The following TBC1D32 variants were observed in gnomAD, a reference collection of about 807,000 sequenced individuals.
TBC1D32 encodes the protein protein broad-minded.
Under a neutral mutation model 170.3 loss-of-function variants are expected in TBC1D32, and 151 were observed. The observed-to-expected ratio is 0.89, with a 90% CI of 0.78 to 1.01. TBC1D32 has a LOEUF of 1.01. Ranked by LOEUF, TBC1D32 falls within the 50% of genes least tolerant of loss-of-function variation. TBC1D32 has a pLI of 0.00. For missense variants in TBC1D32, 1,464 were observed against 1,457.1 expected, an observed-to-expected ratio of 1.00 and a Z score of -0.08; for synonymous variants, 498 against 488.0, an observed-to-expected ratio of 1.02 and a Z score of -0.27.
chr6:121,282,988 G>C (rs9490154), intron 13 of TBC1D32, among the ~76,000 whole-genome samples: 12 of 151,686 alleles, frequency 7.9e-5, no homozygotes, highest in Admixed American at 6.6e-5. Flanking sequence ...GATTCAGAAG[G>C]TACATGTGTC....
chr6:121,208,246 C>T (rs1323765978), intron 21 of TBC1D32, among the ~76,000 whole-genome samples: 3 of 151,940 alleles, frequency 2.0e-5, no homozygotes, highest in Admixed American at 6.6e-5. Context: ...TAAAGACATA[C>T]CTGAGACTGG....
chr6:121,242,779 T>C (rs1022348868), intron 17 of TBC1D32, among the ~76,000 whole-genome samples: 11 of 152,096 alleles, frequency 7.2e-5, no homozygotes, highest in African/African-American at 2.7e-4. Context: ...TCGATTTTCA[T>C]AGGTGTTAAT....
At position 121,131,501 on chromosome 6, in the gene TBC1D32, A is replaced by G. The variant is rs552187313; in HGVS notation, c.2899+126T>C. The stretch of plus-strand genomic sequence containing the variant: ...TCTCAGGATCCCAATTTTCTCAGAA[A>G]TCAGCAAACTTCTGGATTTAGCATT... On this transcript the variant is annotated intron_variant, in intron 25 of 31. Transcript: ENST00000398212. The G allele has an allele frequency of 6.1e-6, 6 of 985,176 alleles. No homozygotes were observed. The East Asian group carries it at 1.7e-4, about 28-fold the overall frequency. The allele number at this position is 985,176 out of a possible 1,614,324, so 61.0% of individuals were successfully genotyped here. A position where few individuals can be genotyped will look rare whatever the true frequency, so the allele number is the denominator to read the frequency against.
At chr6:121,169,157 G>T (rs1411318146) in intron 22 of TBC1D32, among the ~76,000 whole-genome samples, 1 of 152,108 alleles carries the variant, frequency 6.6e-6, no homozygotes, top group Non-Finnish European at 1.5e-5. Flanking sequence ...CACACTACCT[G>T]ACTTCAAACT....
At chr6:121,202,855 T>C (rs2128301650) in intron 22 of TBC1D32, among the ~76,000 whole-genome samples, 1 of 151,518 alleles carries the variant, frequency 6.6e-6, no homozygotes, top group Non-Finnish European at 1.5e-5. Flanking sequence ...TTAAACAGAA[T>C]GTGATGCTGT....
At chr6:121,161,484 A>G (rs1013317514) in intron 22 of TBC1D32, among the ~76,000 whole-genome samples, 5 of 152,218 alleles carry the variant, frequency 3.3e-5, no homozygotes, top group Non-Finnish European at 5.9e-5. Context: ...TAATTTGCTG[A>G]GGATAATGGC....
intron 26 of TBC1D32, among the ~76,000 whole-genome samples, chr6:121,122,914 G>T (rs914078504): frequency 6.6e-6 from 1 of 152,034 alleles, no homozygotes; most frequent in Non-Finnish European, 1.5e-5. Context: ...GCAGGATAAT[G>T]TAAGATCATG....
intron 24 of TBC1D32, among the ~76,000 whole-genome samples, chr6:121,133,391 TAATC>T (rs996937990): frequency 2.6e-5 from 4 of 151,992 alleles, no homozygotes; most frequent in African/African-American, 9.7e-5. Flanking sequence ...GTGGATATAA[TAATC>T]AAGACAATAT....
intron 17 of TBC1D32, among the ~76,000 whole-genome samples, chr6:121,248,054 G>GACC (rs1191749787): frequency 6.6e-6 from 1 of 151,884 alleles, no homozygotes; most frequent in Non-Finnish European, 1.5e-5. Flanking sequence ...CCCCAAGATA[G>GACC]ACCACACGAT....
intron 31 of TBC1D32, among the ~76,000 whole-genome samples, chr6:121,085,320 C>CAT (rs10597029): frequency 6.3e-5 from 9 of 143,690 alleles, no homozygotes; most frequent in Non-Finnish European, 1.1e-4. Context: ...CATATATACA[C>CAT]ATATATATAT....
intron 31 of TBC1D32, among the ~76,000 whole-genome samples, chr6:121,084,421 G>T (rs116507357): frequency 3.2e-3 from 487 of 152,106 alleles, no homozygotes; most frequent in African/African-American, 0.011. Context: ...TATTAATGAT[G>T]GTCTTTGAAA....
At chr6:121,261,736 C>T (rs1799795958) in intron 15 of TBC1D32, among the ~76,000 whole-genome samples, 3 of 152,150 alleles carry the variant, frequency 2.0e-5, no homozygotes, top group Admixed American at 2.0e-4. Flanking sequence ...TCCAAATGAT[C>T]ACAACACCTC....
Position 121,158,791 on chromosome 6 carries a change from T to C in TBC1D32, c.2773+1219A>G, listed in dbSNP as rs1379029296. ...GTAATTTGGGCTTCTATCCAGTAGGTAGAGTTTAAGAGTGGTGGCCTGCAG... is the reference window on the plus strand; with the variant it reads ...GTAATTTGGGCTTCTATCCAGTAGGCAGAGTTTAAGAGTGGTGGCCTGCAG... On this transcript the variant is annotated intron_variant, in intron 24 of 31. Transcript: ENST00000398212. 3.3e-5 allele frequency among the ~76,000 whole-genome samples: 5 copies of C among 152,196 alleles called. No homozygotes were observed. The South Asian group carries it at 6.2e-4, about 19-fold the overall frequency.
intron 15 of TBC1D32, among the ~76,000 whole-genome samples, chr6:121,263,738 T>A (rs1397413660): frequency 2.6e-5 from 4 of 152,124 alleles, no homozygotes; most frequent in Non-Finnish European, 5.9e-5. Context: ...GAAATCATTA[T>A]AGACAGTCTC....
intron 29 of TBC1D32, among the ~76,000 whole-genome samples, chr6:121,108,308 A>C (rs540511208): frequency 6.6e-6 from 1 of 152,022 alleles, no homozygotes; most frequent in African/African-American, 2.4e-5. Flanking sequence ...ATTGTTTATT[A>C]TACTTATAGA....
intron 30 of TBC1D32, among the ~76,000 whole-genome samples, chr6:121,096,450 C>T (rs1777418968): frequency 6.6e-6 from 1 of 151,938 alleles, no homozygotes; most frequent in South Asian, 2.1e-4. Flanking sequence ...TTCACAATTG[C>T]TACAAAGAAA....
In TBC1D32 at chr6:121,174,367, A is replaced by T. The variant is rs149850383; in HGVS notation, c.2571-13311T>A. ...AGAAATTCTCCCCGGGAGAAAAAAA[A>T]GTCATCAATCTAAGTACATAAACTG... is the stretch of plus-strand genomic sequence containing the variant. On this transcript the variant is annotated intron_variant, in intron 22 of 31. Transcript: ENST00000398212. Among the ~76,000 whole-genome samples, 225 of 152,296 alleles carry T rather than the reference A, an allele frequency of 1.5e-3. 4 individuals carry two copies. The highest frequency in any genetic ancestry group is 2.5e-4 in the Non-Finnish European group (17 of 68,028).
intron 21 of TBC1D32, among the ~76,000 whole-genome samples, chr6:121,207,040 T>C (rs1792368115): frequency 2.0e-5 from 3 of 152,226 alleles, no homozygotes; most frequent in Admixed American, 2.0e-4. Context: ...GAAACTTGTT[T>C]ACTATCTACC....
chr6:121,216,756 C>CA (rs1793877615), intron 21 of TBC1D32, among the ~76,000 whole-genome samples: 1 of 152,148 alleles, frequency 6.6e-6, no homozygotes, highest in Non-Finnish European at 1.5e-5. Context: ...ATGATGAACT[C>CA]AGAGATTCTG....
Sources: allele counts gnomAD v4.1 joint callset (sites outside exome capture counted in the v4.1 genomes callset), GRCh38; gene constraint gnomAD v4.1.1; transcripts MANE v1.5; gene names NCBI Gene and HGNC (gene_info 2026-07-23, HGNC 2026-07-21).